CTSC: variants seen among roughly 807,000 people sequenced by gnomAD.
The protein encoded by CTSC is dipeptidyl peptidase 1.
Under a neutral mutation model 40.9 loss-of-function variants are expected in CTSC, and 37 were observed. The observed-to-expected ratio is 0.91, with a 90% CI of 0.70 to 1.19. CTSC has a LOEUF of 1.19. CTSC is among the 50% of genes most tolerant of loss of function. The probability of loss-of-function intolerance (pLI) is 0.00; values close to 1 mark genes in which losing one functional copy is unlikely to be tolerated. For missense variants in CTSC, 594 were observed against 567.3 expected (o/e 1.05, Z -0.48); for synonymous variants, 232 against 207.4 (o/e 1.12, Z -1.02).
Position 88,296,044 on chromosome 11 carries a change from C to G in CTSC, c.889+89G>C, listed in dbSNP as rs75388043. 5.8e-6 allele frequency: 8 copies of G among 1,382,046 alleles called. No homozygotes were observed. The East Asian group carries it at 1.8e-4, about 32-fold the overall frequency. 85.6% of individuals were successfully genotyped at this position (1,382,046 alleles called of 1,614,324 possible). Reference sequence around the variant, plus strand: ...TCTGACTATAGACACTGCGCTCTCTCTACTGCATCATCCTTTTGCCTTTGC... The same window carrying G: ...TCTGACTATAGACACTGCGCTCTCTGTACTGCATCATCCTTTTGCCTTTGC... On this transcript the variant is annotated intron_variant, in intron 6 of 6. Coordinates refer to ENST00000227266, the MANE Select transcript of CTSC (RefSeq NM_001814.6).
intron 2 of CTSC, among the ~76,000 whole-genome samples, chr11:88,327,701 T>G (rs1210718780): frequency 6.6e-6 from 1 of 152,206 alleles, no homozygotes; most frequent in Non-Finnish European, 1.5e-5. Context: ...AGATCTAAGC[T>G]GCTGTGGCCT....
intron 2 of CTSC, chr11:88,321,120 A>G (rs1205357666): frequency 1.6e-5 from 11 of 701,006 alleles, no homozygotes; most frequent in South Asian, 1.3e-4. Flanking sequence ...TTAAAATTCC[A>G]TATTAAATAT....
chr11:88,302,871 G>A (rs2134774860), intron 4 of CTSC, among the ~76,000 whole-genome samples: 1 of 152,038 alleles, frequency 6.6e-6, no homozygotes, highest in East Asian at 1.9e-4. Context: ...AATGTTAAGA[G>A]ACATAATATA....
In CTSC at chr11:88,337,675, T is replaced by C. The variant is rs534568252; in HGVS notation, c.-3A>G. ...AGCAAGGAGGGCCCAGCACCCATGC[T>C]GCAGGGAGCTGAGAAAAGAGGTGAA... On this transcript the variant is annotated 5_prime_UTR_variant, in exon 1 of 7. Transcript: ENST00000227266. 6.9e-5 allele frequency: 109 copies of C among 1,569,952 alleles called. 1 individual carries two copies. The South Asian group carries it at 1.2e-3, about 18-fold the overall frequency.
At chr11:88,315,544 ATTCATTT>A (rs1204609743) in intron 2 of CTSC, among the ~76,000 whole-genome samples, 2 of 152,232 alleles carry the variant, frequency 1.3e-5, no homozygotes, top group African/African-American at 4.8e-5. Context: ...CAGCATGCCC[ATTCATTT>A]ATACATTGTC....
chr11:88,313,850 C>T (rs980885942), intron 2 of CTSC, among the ~76,000 whole-genome samples: 1 of 152,122 alleles, frequency 6.6e-6, no homozygotes, highest in African/African-American at 2.4e-5. Flanking sequence ...TGATCAAATG[C>T]AGGGTTTGGT....
At chr11:88,311,170 G>A (rs1251539574) in intron 3 of CTSC, among the ~76,000 whole-genome samples, 1 of 152,212 alleles carries the variant, frequency 6.6e-6, no homozygotes, top group Non-Finnish European at 1.5e-5. Context: ...CACTAAATGA[G>A]AGAATGTTTG....
At chr11:88,318,677 G>A (rs750370340) in intron 2 of CTSC, among the ~76,000 whole-genome samples, 3 of 152,170 alleles carry the variant, frequency 2.0e-5, no homozygotes, top group Non-Finnish European at 2.9e-5. Flanking sequence ...AGGCTGAGGC[G>A]GGTGGATCAC....
chr11:88,321,348 T>C (rs1438267303), intron 2 of CTSC: 1 of 152,160 alleles, frequency 6.6e-6, no homozygotes, highest in Non-Finnish European at 1.5e-5. Flanking sequence ...TCCACATGCT[T>C]AGCATTCCAG....
chr11:88,335,966 T>G (rs1386570582), intron 1 of CTSC, among the ~76,000 whole-genome samples: 1 of 152,114 alleles, frequency 6.6e-6, no homozygotes, highest in Non-Finnish European at 1.5e-5. Context: ...GAGGTCTGTA[T>G]CCTATAAAAC....
chr11:88,336,941 T>A (rs1039075320), intron 1 of CTSC, among the ~76,000 whole-genome samples: 6 of 152,186 alleles, frequency 3.9e-5, no homozygotes, highest in Admixed American at 1.3e-4. Flanking sequence ...ATTAATTTTT[T>A]AAAAAATTTT....
chr11:88,335,764 G>A (rs192263637), intron 1 of CTSC, among the ~76,000 whole-genome samples: 11 of 152,258 alleles, frequency 7.2e-5, no homozygotes, highest in Admixed American at 2.6e-4. Context: ...AGTGGGAAAT[G>A]CAAGAATAAA....
intron 4 of CTSC, among the ~76,000 whole-genome samples, chr11:88,304,792 T>C (rs991581413): frequency 6.6e-6 from 1 of 152,172 alleles, no homozygotes; most frequent in African/African-American, 2.4e-5. Flanking sequence ...ACCAGCACCA[T>C]GACAGTTTAA....
intron 2 of CTSC, chr11:88,326,185 G>T (rs11545743): frequency 7.2e-7 from 1 of 1,383,014 alleles, no homozygotes; most frequent in South Asian, 1.9e-5. Flanking sequence ...GTAGTCTCTG[G>T]TTGTTCACAT....
At chr11:88,298,957 T>C (rs1944327352) in intron 5 of CTSC, 1 of 152,222 alleles carries the variant, frequency 6.6e-6, no homozygotes, top group Admixed American at 6.5e-5. Flanking sequence ...ATGTTACCAA[T>C]GAATTTAAAA....
chr11:88,304,923 C>T (rs1204823927), intron 4 of CTSC, among the ~76,000 whole-genome samples: 1 of 152,134 alleles, frequency 6.6e-6, no homozygotes, highest in Non-Finnish European at 1.5e-5. Flanking sequence ...CATGGCAAAA[C>T]CCTGTTTCAA....
At chr11:88,328,053 C>CA in intron 2 of CTSC, 1 of 1,060,542 alleles carries the variant, frequency 9.4e-7, no homozygotes, top group Non-Finnish European at 1.5e-6. Context: ...CATAAGCCAT[C>CA]AGGAAGTGAG....
intron 5 of CTSC, among the ~76,000 whole-genome samples, chr11:88,300,170 A>T (rs1190115355): frequency 2.0e-5 from 3 of 152,332 alleles, no homozygotes; most frequent in Non-Finnish European, 4.4e-5. Context: ...GGTATCAAAG[A>T]AAGATTCCAA....
intron 3 of CTSC, 50 bp downstream of exon 3, chr11:88,312,338 T>C (rs1312508438): frequency 8.9e-6 from 14 of 1,570,414 alleles, no homozygotes; most frequent in Non-Finnish European, 1.2e-5. Flanking sequence ...CACATATTCA[T>C]ATATACTATA....
Sources: allele counts gnomAD v4.1 joint callset (sites outside exome capture counted in the v4.1 genomes callset), GRCh38; gene constraint gnomAD v4.1.1; transcripts MANE v1.5; gene names NCBI Gene and HGNC (gene_info 2026-07-23, HGNC 2026-07-21).